Variants in NXPE2 observed in about 807,000 individuals in gnomAD.
The protein encoded by NXPE2 is NXPE family member 2.
Under a neutral mutation model 34.4 loss-of-function variants are expected in NXPE2, and 34 were observed. That is an observed-to-expected ratio of 0.99 (90% CI 0.75 to 1.31). The LOEUF is 1.31. Among genes scored for constraint, NXPE2 ranks in the 40% most tolerant of loss-of-function variants. The pLI is 0.00. For synonymous variants in NXPE2, 235 were observed against 231.3 expected (o/e 1.02, Z -0.15); for missense variants, 649 against 672.5 (o/e 0.97, Z 0.39).
the NXPE2 span, among the ~76,000 whole-genome samples, chr11:114,471,636 G>A: frequency 1.3e-5 from 2 of 152,152 alleles, no homozygotes; most frequent in African/African-American, 4.8e-5. Flanking sequence ...TTCTAATATA[G>A]TCAAGAAAAC....
the NXPE2 span, among the ~76,000 whole-genome samples, chr11:114,491,168 C>CAAAAA: frequency 3.7e-5 from 2 of 53,582 alleles, no homozygotes; most frequent in Non-Finnish European, 6.6e-5. Flanking sequence ...GACTCCGTCT[C>CAAAAA]AAAAAAAAAA....
chr11:114,802,265 C>CCTCACTGTCTCTCCCCGTCAATCTTT, the NXPE2 span, among the ~76,000 whole-genome samples: 1 of 152,190 alleles, frequency 6.6e-6, no homozygotes, highest in Non-Finnish European at 1.5e-5. Context: ...CTGGGTTCTC[C>CCTCACTGTCTCTCCCCGTCAATCTTT]CTCACTGTCT....
chr11:114,713,892 G>T, the NXPE2 span, among the ~76,000 whole-genome samples: 1 of 152,130 alleles, frequency 6.6e-6, no homozygotes, highest in Admixed American at 6.5e-5. Context: ...AATTCTTCCT[G>T]TACAGCATGA....
the NXPE2 span, among the ~76,000 whole-genome samples, chr11:114,725,976 A>AT: frequency 9.4e-4 from 96 of 101,734 alleles, 3 homozygotes; most frequent in African/African-American, 2.5e-3. Flanking sequence ...ATAAAAAAAA[A>AT]ATATATATAT....
At chr11:114,467,021 T>C in the NXPE2 span, among the ~76,000 whole-genome samples, 2 of 152,360 alleles carry the variant, frequency 1.3e-5, no homozygotes, top group African/African-American at 4.8e-5. Flanking sequence ...TAATCTCCTT[T>C]ATGATACAGT....
chr11:114,577,161 C>CAT, the NXPE2 span, among the ~76,000 whole-genome samples: 5,766 of 134,502 alleles, frequency 0.043, 170 homozygotes, highest in Middle Eastern at 0.091. Context: ...ATATATGTGT[C>CAT]ATATATATAT....
At chr11:114,734,647 CATAA>C in the NXPE2 span, among the ~76,000 whole-genome samples, 3 of 152,162 alleles carry the variant, frequency 2.0e-5, no homozygotes, top group Non-Finnish European at 2.9e-5. Flanking sequence ...TACTTAGTTT[CATAA>C]TTATATATCT....
the NXPE2 span, among the ~76,000 whole-genome samples, chr11:114,781,298 G>A: frequency 1.3e-5 from 2 of 152,212 alleles, no homozygotes; most frequent in African/African-American, 4.8e-5. Flanking sequence ...GCAGGGCACA[G>A]AAGACAGAAT....
At chr11:114,772,425 G>A in the NXPE2 span, among the ~76,000 whole-genome samples, 1 of 152,020 alleles carries the variant, frequency 6.6e-6, no homozygotes, top group Non-Finnish European at 1.5e-5. Flanking sequence ...TTCCCATGTG[G>A]CACTTCATTT....
the NXPE2 span, among the ~76,000 whole-genome samples, chr11:114,501,225 T>C: frequency 6.6e-6 from 1 of 152,168 alleles, no homozygotes; most frequent in African/African-American, 2.4e-5. Flanking sequence ...CCAGACCTAA[T>C]TTTCACTGTA....
chr11:114,742,574 G>A, the NXPE2 span, among the ~76,000 whole-genome samples: 2 of 150,802 alleles, frequency 1.3e-5, no homozygotes, highest in Non-Finnish European at 3.0e-5. Flanking sequence ...GGGTGACACA[G>A]GTAAAGTGAA....
the NXPE2 span, among the ~76,000 whole-genome samples, chr11:114,739,152 G>A: frequency 6.6e-6 from 1 of 152,154 alleles, no homozygotes; most frequent in African/African-American, 2.4e-5. Context: ...CCAGCAGATG[G>A]CACTGAATAG....
the NXPE2 span, among the ~76,000 whole-genome samples, chr11:114,475,974 G>A: frequency 5.9e-5 from 9 of 152,328 alleles, no homozygotes; most frequent in East Asian, 1.7e-3. Flanking sequence ...TGATCGTGAT[G>A]CCCATCTGTT....
chr11:114,710,003 G>A (rs1859581678), downstream of NXPE2, among the ~76,000 whole-genome samples: 4 of 152,152 alleles, frequency 2.6e-5, no homozygotes, highest in South Asian at 8.3e-4. Flanking sequence ...AACAGCCTAT[G>A]GGTCAAAGAA....
upstream of NXPE2, among the ~76,000 whole-genome samples, chr11:114,677,096 G>A (rs1326462211): frequency 6.6e-6 from 1 of 151,976 alleles, no homozygotes; most frequent in African/African-American, 2.4e-5. Flanking sequence ...GAGTAGAATC[G>A]TGGTTGCTGA....
At chr11:114,751,109 A>G in the NXPE2 span, among the ~76,000 whole-genome samples, 1 of 152,124 alleles carries the variant, frequency 6.6e-6, no homozygotes, top group Non-Finnish European at 1.5e-5. Flanking sequence ...TCAGCAGGGG[A>G]TAGAGACCGA....
the NXPE2 span, among the ~76,000 whole-genome samples, chr11:114,727,381 C>A: frequency 1.8e-4 from 28 of 152,104 alleles, no homozygotes; most frequent in Admixed American, 5.2e-4. Flanking sequence ...TAATTCCATT[C>A]ATGAGGGCTC....
At chr11:114,490,547 G>A in the NXPE2 span, among the ~76,000 whole-genome samples, 15 of 152,158 alleles carry the variant, frequency 9.9e-5, no homozygotes, top group South Asian at 6.2e-4. Context: ...AAATAATGCC[G>A]CATATCTACA....
the NXPE2 span, among the ~76,000 whole-genome samples, chr11:114,484,509 A>C: frequency 6.6e-6 from 1 of 151,318 alleles, no homozygotes; most frequent in Non-Finnish European, 1.5e-5. Context: ...TTTGTTGTCT[A>C]CTCCGTGGCT....
Sources: allele counts gnomAD v4.1 joint callset (sites outside exome capture counted in the v4.1 genomes callset), GRCh38; gene constraint gnomAD v4.1.1; transcripts MANE v1.5; gene names NCBI Gene and HGNC (gene_info 2026-07-23, HGNC 2026-07-21).